Variants in ZNF717 observed in about 807,000 individuals in gnomAD.
ZNF717 encodes the protein zinc finger protein 717.
ZNF717 carries 9 observed loss-of-function variants against 13.8 expected under a neutral mutation model. That is an observed-to-expected ratio of 0.65 (90% CI 0.39 to 1.14). The LOEUF is 1.14. Among genes scored for constraint, ZNF717 ranks in the 50% most tolerant of loss-of-function variants. ZNF717 has a pLI of 0.01. For synonymous variants in ZNF717, 327 were observed against 364.1 expected, an observed-to-expected ratio of 0.90 and a Z score of 1.16; for missense variants, 1,040 against 1,080.7, an observed-to-expected ratio of 0.96 and a Z score of 0.53.
At chr3:75,756,663 C>G (rs1026179263) in intron 2 of ZNF717, among the ~76,000 whole-genome samples, 2 of 151,646 alleles carry the variant, frequency 1.3e-5, no homozygotes, top group South Asian at 4.1e-4. Flanking sequence ...GCCTAACTCT[C>G]CTTTTTCTTT....
rs1310161493 is a variant in ZNF717, at chr3:75,738,547, C to T, written c.1076G>A (p.Arg359Lys). The T allele has an allele frequency of 1.9e-6, 3 of 1,541,984 alleles. No individual in the cohort carries two copies. Among genetic ancestry groups the T allele is most frequent in the Non-Finnish European group, 2.6e-6 (3 of 1,140,056 alleles). ...GTAGGGTTTATCCCCTGTGTGAGTTCTCTCATGTAAAGTGAGGAATGACTT... is the reference window on the plus strand; with the variant it reads ...GTAGGGTTTATCCCCTGTGTGAGTTTTCTCATGTAAAGTGAGGAATGACTT... Reference protein sequence around the residue: ...RRKSFLTLHERTHTGDKPYKC... With the variant: ...RRKSFLTLHEKTHTGDKPYKC... Residue 359 changes from arginine to lysine, a missense_variant, in exon 5 of 5, where the codon AGA becomes AAA. Physicochemically the swap from Arg to Lys is conservative, Grantham distance 26. Transcript: ENST00000652011.
In ZNF717 at chr3:75,738,028, T is replaced by C. The variant is rs1331844277; in HGVS notation, c.1595A>G (p.Glu532Gly). 1 of 1,343,354 alleles carries C rather than the reference T, an allele frequency of 7.4e-7. No individual in the cohort carries two copies. Among genetic ancestry groups the C allele is most frequent in the Non-Finnish European group, 9.9e-7 (1 of 1,006,710 alleles). The allele number at this position is 1,343,354 out of a possible 1,614,324, so 83.2% of individuals were successfully genotyped here. A position where few individuals can be genotyped will look rare whatever the true frequency, so the allele number is the denominator to read the frequency against. The change falls in exon 5 of 5, where the codon GAA (glutamate) becomes GGA (glycine). Residue 532 changes from glutamate to glycine, a missense_variant. This residue lies in a region of ZNF717 where 873 missense variants were observed against 832.8 expected (regional missense o/e 1.05). Transcript: ENST00000652011. ...LTVHQRTHAG[E>G]KPYACNECGK... ...ACATTCGTTACATGCGTATGGTTTTTCCCCAGCATGAGTTCTCTGATGGAC... is the reference window on the plus strand; with the variant it reads ...ACATTCGTTACATGCGTATGGTTTTCCCCCAGCATGAGTTCTCTGATGGAC...
At chr3:75,763,287 G>A (rs1217475556) in intron 2 of ZNF717, among the ~76,000 whole-genome samples, 2 of 150,810 alleles carry the variant, frequency 1.3e-5, no homozygotes, top group Admixed American at 6.6e-5. Flanking sequence ...TATTTGAAAT[G>A]CTTGGGATGT....
chr3:75,695,796 GCAAAA>G (rs1937597092), intron 6 of ZNF717, among the ~76,000 whole-genome samples: 1 of 152,106 alleles, frequency 6.6e-6, no homozygotes, highest in Non-Finnish European at 1.5e-5. Context: ...AAACAGCATA[GCAAAA>G]CCTATGGAAT....
chr3:75,735,639 A>AAAAT (rs1553657740), downstream of ZNF717, among the ~76,000 whole-genome samples: 1 of 134,858 alleles, frequency 7.4e-6, no homozygotes, highest in Admixed American at 7.7e-5. Context: ...TCTCAATAAA[A>AAAAT]AAAAAAAAAA....
At chr3:75,732,925 C>G (rs1322300761), downstream of ZNF717, among the ~76,000 whole-genome samples, 1 of 129,188 alleles carries the variant, frequency 7.7e-6, no homozygotes, top group Admixed American at 7.8e-5. Context: ...AATTATCAGA[C>G]AGGGATTTTA....
chr3:75,771,860 C>T (rs62268132), intron 2 of ZNF717, among the ~76,000 whole-genome samples: 11,357 of 151,628 alleles, frequency 0.075, 319 homozygotes, highest in African/African-American at 0.16. Context: ...TCAGTCATAC[C>T]TGGTCCTGCC....
At chr3:75,782,458 A>C (rs76549630) in intron 2 of ZNF717, among the ~76,000 whole-genome samples, 274 of 152,316 alleles carry the variant, frequency 1.8e-3, no homozygotes, top group African/African-American at 5.9e-3. Flanking sequence ...CATACCTTAC[A>C]ATGGAAGCTG....
chr3:75,738,849 C>G lies in ZNF717; in HGVS notation c.774G>C (p.Gln258His), dbSNP rs1197165441. 4.5e-6 allele frequency: 7 copies of G among 1,551,594 alleles called. No homozygotes were observed. In the East Asian group the frequency reaches 1.7e-4, roughly 38 times the overall value. Residue 258 changes from glutamine to histidine, a missense_variant, in exon 5 of 5, where the codon CAG becomes CAC. Gln to His is a conservative substitution (Grantham distance 24, BLOSUM62 0). Coordinates refer to ENST00000652011, the MANE Select transcript of ZNF717 (RefSeq NM_001290208.3). Reference sequence around the variant, plus strand: ...TTCTACAGCAAGTTGGCTGTCCTACCTGAGTTATCACTTGGACAATAACAG... The same window carrying G: ...TTCTACAGCAAGTTGGCTGTCCTACGTGAGTTATCACTTGGACAATAACAG... ...NSAVIVQVIT[Q>H]VGQPTCCRKS...
chr3:75,738,953 A>G lies in ZNF717; in HGVS notation c.670T>C (p.Phe224Leu), dbSNP rs1346544479. 35 of 1,551,484 alleles carry G rather than the reference A, an allele frequency of 2.3e-5. No individual in the cohort carries two copies. The highest frequency in any genetic ancestry group is 3.1e-5 in the Non-Finnish European group (35 of 1,146,962). ...QGKTFNTEAM[F>L]FIHKRVHIVQ... ...ATATGAACCCTCTTATGTATAAAGA[A>G]CATTGCCTCCGTGTTGAAGGTTTTC... Residue 224 changes from phenylalanine to leucine, a missense_variant, in exon 5 of 5, where the codon TTC (phenylalanine) becomes CTC (leucine). Physicochemically the swap from Phe to Leu is conservative, Grantham distance 22. This residue lies in a region of ZNF717 where 873 missense variants were observed against 832.8 expected (regional missense o/e 1.05). Transcript: ENST00000652011.
intron 5 of ZNF717, among the ~76,000 whole-genome samples, chr3:75,712,417 T>C (rs1212570203): frequency 6.6e-6 from 1 of 152,240 alleles, no homozygotes; most frequent in African/African-American, 2.4e-5. Context: ...GTATTTTTAA[T>C]GCCAAAGCTT....
chr3:75,782,800 G>A (rs867614570), intron 2 of ZNF717, among the ~76,000 whole-genome samples: 2 of 147,880 alleles, frequency 1.4e-5, no homozygotes. Flanking sequence ...GTGCTTTAGC[G>A]GCAGATGACC....
chr3:75,783,496 A>C, intron 1 of ZNF717, 132 bp from the exon 2 acceptor site: 4 of 640,142 alleles, frequency 6.2e-6, no homozygotes, highest in Non-Finnish European at 8.1e-6. Context: ...AAACTTCCCC[A>C]TGGGAGAAGA....
intron 5 of ZNF717, among the ~76,000 whole-genome samples, chr3:75,713,020 G>T (rs1355516369): frequency 1.3e-5 from 2 of 152,088 alleles, no homozygotes; most frequent in East Asian, 3.9e-4. Context: ...GCTGAGGCAG[G>T]AGGATTGCTG....
intron 2 of ZNF717, among the ~76,000 whole-genome samples, chr3:75,779,282 A>T (rs1445907137): frequency 6.6e-6 from 1 of 151,184 alleles, no homozygotes; most frequent in Admixed American, 6.6e-5. Context: ...AACCCAAAAC[A>T]ATGGGAGTGA....
chr3:75,741,758 G>A (rs78541205), intron 2 of ZNF717, 22 bp from the exon 3 acceptor site: 21,052 of 1,270,104 alleles, frequency 0.017, no homozygotes, highest in African/African-American at 0.061. Context: ...CCAGGCTGTT[G>A]TAGGTCTCCA....
At position 75,748,286 on chromosome 3, in the gene ZNF717, C is replaced by G. The variant is rs1353645262; in HGVS notation, c.58-6550G>C. Among the ~76,000 whole-genome samples, 5 of 152,132 alleles carry G rather than the reference C, an allele frequency of 3.3e-5. No homozygotes were observed. In the East Asian group the frequency reaches 9.6e-4, roughly 29 times the overall value. On this transcript the variant is annotated intron_variant, in intron 2 of 4. Coordinates refer to ENST00000652011, the MANE Select transcript of ZNF717 (RefSeq NM_001290208.3). ...CAAGGATAAGCTGGTACCATTCCTTCTGAAACTATTCCAATCAATAGAAAA... is the reference window on the plus strand; with the variant it reads ...CAAGGATAAGCTGGTACCATTCCTTGTGAAACTATTCCAATCAATAGAAAA...
At chr3:75,723,481 A>G (rs1173304457) in intron 4 of ZNF717, among the ~76,000 whole-genome samples, 1 of 152,260 alleles carries the variant, frequency 6.6e-6, no homozygotes, top group Non-Finnish European at 1.5e-5. Context: ...GAATACTTGT[A>G]CTAGAAATAG....
At chr3:75,708,853 T>C (rs1305511770), downstream of ZNF717, among the ~76,000 whole-genome samples, 1 of 152,206 alleles carries the variant, frequency 6.6e-6, no homozygotes, top group Non-Finnish European at 1.5e-5. Flanking sequence ...CCTTGTAGGA[T>C]GCATGGTTCT....
Sources: allele counts gnomAD v4.1 joint callset (sites outside exome capture counted in the v4.1 genomes callset), GRCh38; gene constraint gnomAD v4.1.1; regional missense constraint gnomAD v4.1.1; transcripts MANE v1.5; gene names NCBI Gene and HGNC (gene_info 2026-07-23, HGNC 2026-07-21).